The following SLC41A3 variants were observed in gnomAD, a reference collection of about 807,000 sequenced individuals.
The protein encoded by SLC41A3 is SLC41A1-like 2.
Under a neutral mutation model 45.4 loss-of-function variants are expected in SLC41A3, and 44 were observed. The ratio of observed to expected loss-of-function variants is 0.97; its 90% CI spans 0.76 to 1.25. The LOEUF is 1.25. Among genes scored for constraint, SLC41A3 ranks in the 50% most tolerant of loss-of-function variants. The pLI is 0.00. For missense variants in SLC41A3, 550 were observed against 600.6 expected (o/e 0.92, Z 0.88); for synonymous variants, 256 against 252.4 (o/e 1.01, Z -0.13).
intron 3 of SLC41A3, among the ~76,000 whole-genome samples, chr3:126,035,632 T>C (rs889493510): frequency 3.9e-5 from 6 of 152,268 alleles, no homozygotes; most frequent in South Asian, 2.1e-4. Flanking sequence ...GTGAATTCAG[T>C]TGGGTATCAA....
In SLC41A3 at chr3:126,026,761, G is replaced by C. The variant is rs146890010; in HGVS notation, c.454-282C>G. Among the ~76,000 whole-genome samples, 15 of 152,300 alleles carry C rather than the reference G, an allele frequency of 9.8e-5. No individual in the cohort carries two copies. The East Asian group carries it at 2.7e-3, about 27-fold the overall frequency. ...TTTCTCCATCATCTGCTCAGGCTTT[G>C]GTCAGGGGCCACCTGGTATCTTGCT... On this transcript the variant is annotated intron_variant, in intron 4 of 10. Coordinates refer to ENST00000360370, the MANE Select transcript of SLC41A3 (RefSeq NM_017836.4). The surrounding 1 kb of genome is among the most constrained non-coding windows in gnomAD (Gnocchi z 4.2).
intron 2 of SLC41A3, chr3:126,056,516 G>A: frequency 6.2e-7 from 1 of 1,614,114 alleles, no homozygotes; most frequent in Non-Finnish European, 8.5e-7. Flanking sequence ...TTCTTGCCCT[G>A]AAAGCAAAAC....
intron 3 of SLC41A3, among the ~76,000 whole-genome samples, chr3:126,043,281 G>C (rs1308328825): frequency 6.6e-6 from 1 of 151,984 alleles, no homozygotes. Flanking sequence ...TGTCAACTGA[G>C]AATTCTGTAT....
At chr3:126,013,940 A>G (rs1939992449) in intron 8 of SLC41A3, among the ~76,000 whole-genome samples, 1 of 152,220 alleles carries the variant, frequency 6.6e-6, no homozygotes, top group South Asian at 2.1e-4. Flanking sequence ...TGGGAACACC[A>G]GGGCTTCCTG....
At chr3:126,035,234 T>G (rs1004264352) in intron 3 of SLC41A3, among the ~76,000 whole-genome samples, 7 of 152,194 alleles carry the variant, frequency 4.6e-5, no homozygotes, top group African/African-American at 1.4e-4. Flanking sequence ...GTCCAAAAAC[T>G]CGGAGGCTTG....
At chr3:126,059,299 AAAG>A (rs1943915028) in intron 2 of SLC41A3, among the ~76,000 whole-genome samples, 2 of 124,010 alleles carry the variant, frequency 1.6e-5, no homozygotes, top group African/African-American at 3.0e-5. Context: ...AGAAAGAAAG[AAAG>A]AAAGAAAGGA....
chr3:126,022,187 G>T (rs1175090512), intron 6 of SLC41A3, among the ~76,000 whole-genome samples: 2 of 152,310 alleles, frequency 1.3e-5, no homozygotes, highest in Middle Eastern at 3.4e-3. Context: ...AGAAGACAAA[G>T]AACTGAAATT....
intron 4 of SLC41A3, among the ~76,000 whole-genome samples, chr3:126,033,055 G>C (rs1941920509): frequency 6.6e-6 from 1 of 152,176 alleles, no homozygotes; most frequent in Admixed American, 6.5e-5. Flanking sequence ...CAGTGGAACT[G>C]GGACCTGGGA....
At chr3:126,080,053 A>G (rs1333542464) in intron 1 of SLC41A3, among the ~76,000 whole-genome samples, 3 of 152,346 alleles carry the variant, frequency 2.0e-5, no homozygotes, top group South Asian at 2.1e-4. Context: ...ATTTCTCACT[A>G]TATTAAAAAA....
At chr3:126,089,413 G>A (rs184645491) in intron 1 of SLC41A3, among the ~76,000 whole-genome samples, 7 of 152,326 alleles carry the variant, frequency 4.6e-5, no homozygotes, top group African/African-American at 1.7e-4. Flanking sequence ...ATGTAAGGTA[G>A]TTGTAACACC....
At chr3:126,040,768 T>C (rs896231316) in intron 3 of SLC41A3, among the ~76,000 whole-genome samples, 1 of 152,108 alleles carries the variant, frequency 6.6e-6, no homozygotes, top group African/African-American at 2.4e-5. Flanking sequence ...CTCCCTCCAA[T>C]CTTTAGATTG....
chr3:126,019,671 G>A (rs1384723897), intron 6 of SLC41A3, among the ~76,000 whole-genome samples: 1 of 152,192 alleles, frequency 6.6e-6, no homozygotes, highest in East Asian at 1.9e-4. Flanking sequence ...TGAGAGAGCA[G>A]ACACTGGGGC....
intron 2 of SLC41A3, among the ~76,000 whole-genome samples, chr3:126,055,869 C>T (rs1400967273): frequency 1.3e-5 from 2 of 152,114 alleles, no homozygotes; most frequent in Admixed American, 6.5e-5. Flanking sequence ...CCAGGGGCCA[C>T]GCCAGGATGC....
At chr3:126,040,659 C>G (rs1397688183) in intron 3 of SLC41A3, among the ~76,000 whole-genome samples, 7 of 152,070 alleles carry the variant, frequency 4.6e-5, no homozygotes, top group Non-Finnish European at 1.0e-4. Context: ...GTCAGAGAGG[C>G]AGGGCAGTGC....
intron 8 of SLC41A3, among the ~76,000 whole-genome samples, chr3:126,014,053 G>C (rs1323481301): frequency 6.6e-6 from 1 of 152,156 alleles, no homozygotes. Context: ...TTCTGTGGGG[G>C]CAGATGCGGG....
chr3:126,011,894 C>T (rs988868669), intron 9 of SLC41A3, among the ~76,000 whole-genome samples: 5 of 143,632 alleles, frequency 3.5e-5, no homozygotes, highest in East Asian at 2.0e-4. Flanking sequence ...AAAGGAAATC[C>T]AAAACAATGT....
intron 3 of SLC41A3, 118 bp downstream of exon 3, chr3:126,050,825 A>G: frequency 7.1e-7 from 1 of 1,414,104 alleles, no homozygotes; most frequent in Non-Finnish European, 9.3e-7. Context: ...ATCAAAACCC[A>G]GAAATATCCA....
At chr3:126,089,316 T>C (rs1238574158) in intron 1 of SLC41A3, among the ~76,000 whole-genome samples, 11 of 152,178 alleles carry the variant, frequency 7.2e-5, no homozygotes, top group Admixed American at 7.2e-4. Context: ...TAAAATGGTC[T>C]TGGGGTAGAA....
Position 126,046,907 on chromosome 3 carries a change from A to G in SLC41A3, c.381+4036T>C, listed in dbSNP as rs185548743. Among the ~76,000 whole-genome samples the G allele has an allele frequency of 1.9e-3, 291 of 149,380 alleles. 1 individual carries two copies. Among genetic ancestry groups the G allele is most frequent in the African/African-American group, 7.0e-3 (284 of 40,644 alleles). Reference sequence around the variant, plus strand: ...AATCTGGGAGGTGGAGGTTGCAGTGAGTTGAGATGGCACAACTGCACTCCA... The same window carrying G: ...AATCTGGGAGGTGGAGGTTGCAGTGGGTTGAGATGGCACAACTGCACTCCA... On this transcript the variant is annotated intron_variant, in intron 3 of 10. Coordinates refer to ENST00000360370, the MANE Select transcript of SLC41A3 (RefSeq NM_017836.4).
Sources: gnomAD v4.1 joint callset for allele counts (sites outside exome capture counted in the v4.1 genomes callset) on GRCh38, gnomAD v4.1.1 for gene constraint, Gnocchi (gnomAD v3.1) non-coding constraint, MANE v1.5 for transcripts, NCBI Gene and HGNC (gene_info 2026-07-23, HGNC 2026-07-21) for gene names.